The following BACH2 variants were observed in gnomAD, a reference collection of about 807,000 sequenced individuals.
The protein encoded by BACH2 is BACH transcriptional regulator 2.
BACH2 carries 5 observed loss-of-function variants against 61.8 expected under a neutral mutation model. That is an observed-to-expected ratio of 0.08 (90% CI 0.04 to 0.17). BACH2 has a LOEUF of 0.17. Ranked by LOEUF, BACH2 falls within the 10% of genes least tolerant of loss-of-function variation. The pLI is 1.00. For synonymous variants in BACH2, 446 were observed against 440.1 expected, an observed-to-expected ratio of 1.01 and a Z score of -0.17; for missense variants, 824 against 1,091.1, an observed-to-expected ratio of 0.76 and a Z score of 3.45.
intron 6 of BACH2, among the ~76,000 whole-genome samples, chr6:89,970,657 T>C (rs1281934541): frequency 6.6e-6 from 1 of 152,292 alleles, no homozygotes; most frequent in South Asian, 2.1e-4. Flanking sequence ...TTTCACTTAG[T>C]CAAGCTGGAC....
chr6:89,985,971 C>T (rs1012309510), intron 6 of BACH2, among the ~76,000 whole-genome samples: 1 of 152,180 alleles, frequency 6.6e-6, no homozygotes, highest in Non-Finnish European at 1.5e-5. Flanking sequence ...TGGAGGGATG[C>T]GGGTGTGGGC....
chr6:90,079,538 T>C, intron 5 of BACH2, among the ~76,000 whole-genome samples: 1 of 152,194 alleles, frequency 6.6e-6, no homozygotes, highest in Non-Finnish European at 1.5e-5. Flanking sequence ...AAGAGAAAAG[T>C]GCTGATAAAC....
intron 6 of BACH2, among the ~76,000 whole-genome samples, chr6:89,975,440 T>C (rs943498936): frequency 6.6e-6 from 1 of 152,214 alleles, no homozygotes; most frequent in African/African-American, 2.4e-5. Context: ...TTCTGCAAAA[T>C]ACAGTGTTTC....
At chr6:89,954,736 C>A (rs757899866) in intron 6 of BACH2, among the ~76,000 whole-genome samples, 2 of 151,932 alleles carry the variant, frequency 1.3e-5, no homozygotes, top group African/African-American at 2.4e-5. Context: ...TGAATTGGAC[C>A]AAGGAGGTGA....
chr6:89,931,918 A>T lies in BACH2; in HGVS notation c.*490T>A, dbSNP rs1174163788. On this transcript the variant is annotated 3_prime_UTR_variant, in exon 9 of 9. Transcript: ENST00000257749. Reference sequence around the variant, plus strand: ...TTAGGATGAGAAAGTTGAGGCATGCAGGACTTTTGCATATGGATATATATA... The same window carrying T: ...TTAGGATGAGAAAGTTGAGGCATGCTGGACTTTTGCATATGGATATATATA... 1 of 140,812 alleles carries T rather than the reference A, an allele frequency of 7.1e-6. No individual in the cohort carries two copies. Among genetic ancestry groups the T allele is most frequent in the African/African-American group, 2.7e-5 (1 of 37,394 alleles). 8.7% of individuals were successfully genotyped at this position (140,812 alleles called of 1,614,324 possible).
chr6:90,072,229 C>A (rs1781265423), intron 5 of BACH2, among the ~76,000 whole-genome samples: 1 of 152,154 alleles, frequency 6.6e-6, no homozygotes, highest in Non-Finnish European at 1.5e-5. Flanking sequence ...AAAGCACTGG[C>A]AATGTTACTA....
intron 2 of BACH2, among the ~76,000 whole-genome samples, chr6:90,267,780 T>G (rs1343703822): frequency 2.0e-5 from 3 of 152,126 alleles, no homozygotes; most frequent in Non-Finnish European, 4.4e-5. Flanking sequence ...CAGAGTATTG[T>G]TTATGATGCC....
intron 5 of BACH2, among the ~76,000 whole-genome samples, chr6:90,040,796 T>G (rs1451894759): frequency 6.6e-6 from 1 of 152,066 alleles, no homozygotes; most frequent in Non-Finnish European, 1.5e-5. Flanking sequence ...TATATACACA[T>G]GTGTATATAT....
intron 6 of BACH2, among the ~76,000 whole-genome samples, chr6:89,973,946 A>G (rs1775509193): frequency 6.6e-6 from 1 of 152,044 alleles, no homozygotes; most frequent in Non-Finnish European, 1.5e-5. Context: ...TTTACATTGC[A>G]ATTTTTTTTC....
chr6:90,277,193 A>G (rs898283981), intron 1 of BACH2, among the ~76,000 whole-genome samples: 60 of 152,198 alleles, frequency 3.9e-4, no homozygotes, highest in African/African-American at 1.4e-3. Flanking sequence ...TCACCTGAAG[A>G]TATGTTCTAG....
At chr6:90,198,665 G>A (rs1375594699) in intron 4 of BACH2, among the ~76,000 whole-genome samples, 1 of 152,166 alleles carries the variant, frequency 6.6e-6, no homozygotes, top group Non-Finnish European at 1.5e-5. Context: ...ACACGGTAGT[G>A]GGTGCACAGA....
intron 3 of BACH2, among the ~76,000 whole-genome samples, chr6:90,208,322 T>C (rs1400960147): frequency 6.6e-6 from 1 of 152,082 alleles, no homozygotes; most frequent in African/African-American, 2.4e-5. Flanking sequence ...AAAGGGCTAA[T>C]ACCCAGAATC....
chr6:90,004,356 T>C (rs186000066), intron 6 of BACH2, among the ~76,000 whole-genome samples: 9 of 152,204 alleles, frequency 5.9e-5, no homozygotes, highest in Middle Eastern at 3.4e-3. Context: ...TGAAATCTAT[T>C]TATACCGAGG....
intron 3 of BACH2, among the ~76,000 whole-genome samples, chr6:90,216,847 G>A (rs1285795153): frequency 1.3e-5 from 2 of 152,066 alleles, no homozygotes; most frequent in Non-Finnish European, 2.9e-5. Flanking sequence ...CATCTAGTGG[G>A]TGAGACCAAT....
At chr6:89,991,479 G>GCA (rs141966281) in intron 6 of BACH2, among the ~76,000 whole-genome samples, 200 of 150,120 alleles carry the variant, frequency 1.3e-3, no homozygotes, top group East Asian at 4.3e-3. Flanking sequence ...GCACGCGCAT[G>GCA]CACACACACA....
At chr6:90,051,141 T>C (rs550734227) in intron 5 of BACH2, among the ~76,000 whole-genome samples, 68 of 152,256 alleles carry the variant, frequency 4.5e-4, no homozygotes, top group African/African-American at 1.5e-3. Context: ...AACAATACAA[T>C]TTTAGTTTAT....
At chr6:90,296,310 TA>T (rs1772384659) in intron 1 of BACH2, among the ~76,000 whole-genome samples, 169 bp downstream of exon 1, 1 of 150,828 alleles carries the variant, frequency 6.6e-6, no homozygotes, top group Non-Finnish European at 1.5e-5. Flanking sequence ...GAAAATGCCA[TA>T]AAAGCGGGCA....
chr6:90,061,423 C>T lies in BACH2; in HGVS notation c.-13+27538G>A, dbSNP rs899701657. Among the ~76,000 whole-genome samples the T allele has an allele frequency of 7.2e-5, 11 of 151,954 alleles. No homozygotes were observed. The East Asian group carries it at 1.9e-3, about 27-fold the overall frequency. On this transcript the variant is annotated intron_variant, in intron 5 of 8. Transcript: ENST00000257749. ...TTTCCAGTGTTTGTGTAGGTTAGGG[C>T]GTGGGTAGAAATTAAGAGTTCTGTT... is the stretch of plus-strand genomic sequence containing the variant.
chr6:89,932,115 C>T lies in BACH2; in HGVS notation c.*293G>A. 7.1e-6 allele frequency: 2 copies of T among 282,326 alleles called. No individual in the cohort carries two copies. Among genetic ancestry groups the T allele is most frequent in the East Asian group, 1.3e-4 (2 of 14,892 alleles). 17.5% of individuals were successfully genotyped at this position (282,326 alleles called of 1,614,324 possible). A position where few individuals can be genotyped will look rare whatever the true frequency, so the allele number is the denominator to read the frequency against. On this transcript the variant is annotated 3_prime_UTR_variant, in exon 9 of 9. Transcript: ENST00000257749. ...GAGAAAAAAAATCCGTGGTTGGGGC[C>T]TAGAGGTGTTGTAGTCTATCCCTGT... is the stretch of plus-strand genomic sequence containing the variant.
Sources: gnomAD v4.1 joint callset for allele counts (sites outside exome capture counted in the v4.1 genomes callset) on GRCh38, gnomAD v4.1.1 for gene constraint, MANE v1.5 for transcripts, NCBI Gene and HGNC (gene_info 2026-07-23, HGNC 2026-07-21) for gene names.